ITFG1: variants seen among roughly 807,000 people sequenced by gnomAD.
ITFG1 encodes the protein T-cell immunomodulatory protein.
ITFG1 carries 34 observed loss-of-function variants against 81.8 expected under a neutral mutation model. The ratio of observed to expected loss-of-function variants is 0.42; its 90% confidence interval spans 0.32 to 0.55. The LOEUF (loss-of-function observed/expected upper bound fraction) is 0.55, where lower values mean the gene tolerates loss of function less well. Ranked by LOEUF, ITFG1 falls within the 20% of genes least tolerant of loss-of-function variation. ITFG1 has a pLI of 0.17. For synonymous variants in ITFG1, 285 were observed against 270.6 expected, an observed-to-expected ratio of 1.05 and a Z score of -0.52; for missense variants, 672 against 755.4, an observed-to-expected ratio of 0.89 and a Z score of 1.29.
chr16:47,429,886 T>C (rs1244798558), intron 5 of ITFG1, among the ~76,000 whole-genome samples: 1 of 152,080 alleles, frequency 6.6e-6, no homozygotes, highest in Non-Finnish European at 1.5e-5. Context: ...AGTCTTGAAC[T>C]CCTGGCTTAA....
chr16:47,323,628 T>C (rs555584005), intron 8 of ITFG1, among the ~76,000 whole-genome samples: 2 of 150,950 alleles, frequency 1.3e-5, no homozygotes, highest in Non-Finnish European at 2.9e-5. Context: ...TGATTTTTTT[T>C]CCTAACTCAG....
At chr16:47,442,809 C>T (rs139161473) in intron 5 of ITFG1, among the ~76,000 whole-genome samples, 1 of 152,252 alleles carries the variant, frequency 6.6e-6, no homozygotes, top group African/African-American at 2.4e-5. Flanking sequence ...TAGAAGAAAA[C>T]CTAGGCATTA....
chr16:47,217,595 T>G (rs1311797327), intron 14 of ITFG1, among the ~76,000 whole-genome samples: 2 of 152,210 alleles, frequency 1.3e-5, no homozygotes, highest in Non-Finnish European at 2.9e-5. Flanking sequence ...ATATCCTTAT[T>G]TATCTTGAAC....
chr16:47,281,143 C>T lies in ITFG1; in HGVS notation c.1071-20448G>A, dbSNP rs768678931. ...TATCCTGGGGACTGGAGCTTGAGAT[C>T]GGGATATGAAGTCAAGGCAGTCTTG... On this transcript the variant is annotated intron_variant, in intron 10 of 17. Coordinates refer to ENST00000320640, the MANE Select transcript of ITFG1 (RefSeq NM_030790.5). Among the ~76,000 whole-genome samples the T allele has an allele frequency of 4.6e-5, 7 of 151,980 alleles. No individual in the cohort carries two copies. In the South Asian group the frequency reaches 6.2e-4, roughly 14 times the overall value.
intron 14 of ITFG1, among the ~76,000 whole-genome samples, chr16:47,191,667 C>T (rs1965294630): frequency 7.2e-5 from 11 of 152,110 alleles, no homozygotes; most frequent in Admixed American, 6.6e-4. Context: ...TACCACCATA[C>T]CCAGCTAATT....
At chr16:47,201,231 C>T (rs934175626) in intron 14 of ITFG1, among the ~76,000 whole-genome samples, 30 of 138,842 alleles carry the variant, frequency 2.2e-4, no homozygotes, top group Middle Eastern at 4.2e-3. Flanking sequence ...TTTTTTGAGA[C>T]GGAGTCTCGC....
chr16:47,333,257 T>C (rs974424996), intron 8 of ITFG1, among the ~76,000 whole-genome samples: 1 of 152,162 alleles, frequency 6.6e-6, no homozygotes, highest in Non-Finnish European at 1.5e-5. Context: ...GATGAGGACA[T>C]TGATGCTTGG....
intron 10 of ITFG1, among the ~76,000 whole-genome samples, chr16:47,281,767 T>C (rs1966453628): frequency 1.3e-5 from 2 of 151,226 alleles, no homozygotes; most frequent in South Asian, 2.1e-4. Flanking sequence ...AATCCTCTCT[T>C]TTTTTTTGTC....
chr16:47,344,070 A>G (rs1967819560), intron 8 of ITFG1, among the ~76,000 whole-genome samples: 1 of 152,202 alleles, frequency 6.6e-6, no homozygotes, highest in South Asian at 2.1e-4. Flanking sequence ...TGAAATATCT[A>G]GAATAGGCAA....
intron 7 of ITFG1, among the ~76,000 whole-genome samples, chr16:47,370,053 G>A (rs1254364448): frequency 6.6e-6 from 1 of 151,876 alleles, no homozygotes; most frequent in African/African-American, 2.4e-5. Flanking sequence ...TGTTAACCAG[G>A]ATGGTCTTAA....
At chr16:47,395,325 A>G (rs183741435) in intron 6 of ITFG1, among the ~76,000 whole-genome samples, 1 of 152,306 alleles carries the variant, frequency 6.6e-6, no homozygotes, top group Admixed American at 6.5e-5. Context: ...GAGTCTAATT[A>G]GATAAAAATA....
intron 7 of ITFG1, among the ~76,000 whole-genome samples, chr16:47,373,556 C>T (rs1316877657): frequency 2.6e-5 from 4 of 152,224 alleles, no homozygotes; most frequent in African/African-American, 9.6e-5. Context: ...GATGGGATTA[C>T]AGGTGTGAGC....
chr16:47,352,321 G>T (rs983053407), intron 8 of ITFG1, among the ~76,000 whole-genome samples: 2 of 151,980 alleles, frequency 1.3e-5, no homozygotes, highest in African/African-American at 4.8e-5. Flanking sequence ...TGACAAAGGG[G>T]TAATATCCCA....
intron 10 of ITFG1, among the ~76,000 whole-genome samples, chr16:47,305,843 C>A: frequency 6.6e-6 from 1 of 152,118 alleles, no homozygotes; most frequent in South Asian, 2.1e-4. Context: ...AAAGAGGCTG[C>A]AGACTCTCCC....
intron 8 of ITFG1, among the ~76,000 whole-genome samples, chr16:47,342,729 A>C (rs1247204818): frequency 1.3e-5 from 2 of 152,134 alleles, no homozygotes; most frequent in Non-Finnish European, 2.9e-5. Flanking sequence ...AAAATCCCCC[A>C]AAAATTTAGC....
At chr16:47,183,048 C>T (rs1016407498) in intron 14 of ITFG1, among the ~76,000 whole-genome samples, 5 of 152,302 alleles carry the variant, frequency 3.3e-5, no homozygotes, top group South Asian at 2.1e-4. Context: ...ACCCGAATAC[C>T]GCGCTTTTCC....
intron 6 of ITFG1, 145 bp from the exon 7 acceptor site, chr16:47,376,085 C>T: frequency 3.9e-6 from 2 of 519,448 alleles, no homozygotes; most frequent in Non-Finnish European, 6.8e-6. Flanking sequence ...AAGTTTCATC[C>T]CATTAAAAAA....
chr16:47,283,687 C>T (rs1447061435), intron 10 of ITFG1, among the ~76,000 whole-genome samples: 2 of 152,162 alleles, frequency 1.3e-5, no homozygotes, highest in Admixed American at 1.3e-4. Context: ...TCGACTTTAG[C>T]CCAGTGAAAC....
At chr16:47,188,262 G>C (rs1368328568) in intron 14 of ITFG1, among the ~76,000 whole-genome samples, 4 of 151,928 alleles carry the variant, frequency 2.6e-5, no homozygotes, top group African/African-American at 9.7e-5. Context: ...CCCATTACTG[G>C]GTATATACCC....
Sources: allele counts gnomAD v4.1 joint callset (sites outside exome capture counted in the v4.1 genomes callset), GRCh38; gene constraint gnomAD v4.1.1; transcripts MANE v1.5; gene names NCBI Gene and HGNC (gene_info 2026-07-23, HGNC 2026-07-21).